Variants in ASB3 observed in about 807,000 individuals in gnomAD.
ASB3 encodes ankyrin repeat and SOCS box containing 3.
Under a neutral mutation model 54.5 loss-of-function variants are expected in ASB3, and 41 were observed. That is an observed-to-expected ratio of 0.75 (90% confidence interval 0.59 to 0.98). ASB3 has a LOEUF of 0.98. ASB3 is among the 50% of genes least tolerant of loss of function. The pLI is 0.00. For missense variants in ASB3, 733 were observed against 620.0 expected (o/e 1.18, Z -1.94); for synonymous variants, 266 against 221.2 (o/e 1.20, Z -1.80).
intron 3 of ASB3, among the ~76,000 whole-genome samples, chr2:53,738,146 T>A (rs1671746416): frequency 6.6e-6 from 1 of 152,224 alleles, no homozygotes; most frequent in African/African-American, 2.4e-5. Context: ...AGAGGCCTGA[T>A]AATCACCTAA....
intron 3 of ASB3, among the ~76,000 whole-genome samples, chr2:53,746,743 GTGC>G (rs888686531): frequency 6.6e-6 from 1 of 152,086 alleles, no homozygotes; most frequent in African/African-American, 2.4e-5. Context: ...GCCTCCCAAA[GTGC>G]TGAGATTACA....
At chr2:53,743,381 G>A (rs1672044133) in intron 3 of ASB3, among the ~76,000 whole-genome samples, 1 of 151,946 alleles carries the variant, frequency 6.6e-6, no homozygotes, top group South Asian at 2.1e-4. Flanking sequence ...TGTGTTAAAG[G>A]AATTATTTAG....
At chr2:53,734,979 G>T (rs1016713402) in intron 3 of ASB3, among the ~76,000 whole-genome samples, 1 of 147,364 alleles carries the variant, frequency 6.8e-6, no homozygotes, top group Non-Finnish European at 1.5e-5. Flanking sequence ...GAGTGCAGTG[G>T]TGCGATCTTG....
chr2:53,778,764 A>G (rs1573031804), intron 1 of ASB3, among the ~76,000 whole-genome samples: 1 of 151,992 alleles, frequency 6.6e-6, no homozygotes, highest in East Asian at 1.9e-4. Flanking sequence ...TGTACACCAG[A>G]TTTTTCTTTA....
intron 9 of ASB3, among the ~76,000 whole-genome samples, chr2:53,671,413 G>A (rs1190933767): frequency 1.3e-5 from 2 of 150,632 alleles, no homozygotes; most frequent in Non-Finnish European, 3.0e-5. Context: ...GCAAGGCAGT[G>A]CAGCCAAAAG....
chr2:53,752,619 C>A (rs1027354219), intron 2 of ASB3, among the ~76,000 whole-genome samples: 1 of 152,264 alleles, frequency 6.6e-6, no homozygotes, highest in Admixed American at 6.5e-5. Context: ...TAGGCAAGCC[C>A]CCTGTGCACA....
At chr2:53,747,941 T>A (rs564421902) in intron 3 of ASB3, among the ~76,000 whole-genome samples, 3 of 152,228 alleles carry the variant, frequency 2.0e-5, no homozygotes, top group Non-Finnish European at 4.4e-5. Context: ...GGAAACCTTT[T>A]GTCAATAAAC....
intron 3 of ASB3, among the ~76,000 whole-genome samples, chr2:53,745,115 G>A (rs1238620416): frequency 6.6e-6 from 1 of 152,128 alleles, no homozygotes; most frequent in Non-Finnish European, 1.5e-5. Context: ...CTAAATATTA[G>A]CTGGATTTTT....
chr2:53,758,501 G>A (rs777422298), intron 2 of ASB3, among the ~76,000 whole-genome samples: 17 of 152,146 alleles, frequency 1.1e-4, no homozygotes, highest in African/African-American at 1.4e-4. Context: ...ATCTTGATGG[G>A]GCAGCTGGGT....
At chr2:53,682,486 T>G (rs1031617469) in intron 9 of ASB3, among the ~76,000 whole-genome samples, 16 of 152,290 alleles carry the variant, frequency 1.1e-4, no homozygotes, top group African/African-American at 3.6e-4. Flanking sequence ...CACTTTTTGC[T>G]TTTATTTTGA....
At chr2:53,723,440 G>A (rs1464032027) in intron 5 of ASB3, among the ~76,000 whole-genome samples, 1 of 152,054 alleles carries the variant, frequency 6.6e-6, no homozygotes, top group Non-Finnish European at 1.5e-5. Flanking sequence ...CACCCAAGCA[G>A]TATACACTGC....
At chr2:53,675,160 A>G (rs1181030114) in intron 9 of ASB3, among the ~76,000 whole-genome samples, 1 of 152,218 alleles carries the variant, frequency 6.6e-6, no homozygotes, top group East Asian at 1.9e-4. Context: ...AAGTTGGAAC[A>G]CATTTGCAAA....
intron 1 of ASB3, among the ~76,000 whole-genome samples, chr2:53,784,899 C>A (rs1674852735): frequency 6.6e-6 from 1 of 152,194 alleles, no homozygotes; most frequent in Non-Finnish European, 1.5e-5. Flanking sequence ...AATCAATTTT[C>A]CACACAGCAG....
At chr2:53,758,959 AC>A (rs1462408692) in intron 2 of ASB3, among the ~76,000 whole-genome samples, 1 of 152,148 alleles carries the variant, frequency 6.6e-6, no homozygotes, top group Non-Finnish European at 1.5e-5. Flanking sequence ...TTATCAGATA[AC>A]CCTGATGGCT....
chr2:53,731,408 AAAAAC>A (rs113452828), intron 3 of ASB3, among the ~76,000 whole-genome samples: 1 of 151,482 alleles, frequency 6.6e-6, no homozygotes, highest in Non-Finnish European at 1.5e-5. Context: ...CTCCATCTCA[AAAAAC>A]AAAACAAAAC....
chr2:53,671,953 A>G (rs955730583), intron 9 of ASB3, among the ~76,000 whole-genome samples: 3 of 152,210 alleles, frequency 2.0e-5, no homozygotes, highest in African/African-American at 7.2e-5. Flanking sequence ...GACAAGTACT[A>G]TCAAGAGCAC....
intron 9 of ASB3, among the ~76,000 whole-genome samples, chr2:53,684,624 A>G (rs2103683865): frequency 1.3e-5 from 2 of 152,348 alleles, no homozygotes; most frequent in Middle Eastern, 3.4e-3. Context: ...TATCCTCGGT[A>G]GTCCCACTGT....
chr2:53,773,499 C>T (rs1440677809), intron 1 of ASB3, among the ~76,000 whole-genome samples: 2 of 152,036 alleles, frequency 1.3e-5, no homozygotes, highest in Non-Finnish European at 2.9e-5. Flanking sequence ...GGCATGATCT[C>T]GGCTCACTGC....
intron 3 of ASB3, 134 bp downstream of exon 3, chr2:53,750,649 C>G: frequency 1.0e-6 from 1 of 991,018 alleles, no homozygotes; most frequent in Non-Finnish European, 1.3e-6. Context: ...TTTCAAAAAT[C>G]AAGGAAGTAG....
Sources: gnomAD v4.1 joint callset for allele counts (sites outside exome capture counted in the v4.1 genomes callset) on GRCh38, gnomAD v4.1.1 for gene constraint, MANE v1.5 for transcripts, NCBI Gene and HGNC (gene_info 2026-07-23, HGNC 2026-07-21) for gene names.